The following PTPRJ variants were observed in gnomAD, a reference collection of about 807,000 sequenced individuals.
PTPRJ encodes the protein receptor-type tyrosine-protein phosphatase eta.
PTPRJ carries 129 observed loss-of-function variants against 141.3 expected under a neutral mutation model. The ratio of observed to expected loss-of-function variants is 0.91; its 90% CI spans 0.79 to 1.06. The LOEUF (loss-of-function observed/expected upper bound fraction) is 1.06, where lower values mean the gene tolerates loss of function less well. Ranked by LOEUF, PTPRJ falls within the 50% of genes least tolerant of loss-of-function variation. PTPRJ has a pLI of 0.00. For missense variants in PTPRJ, 1,601 were observed against 1,679.7 expected, an observed-to-expected ratio of 0.95 and a Z score of 0.82; for synonymous variants, 610 against 640.5, an observed-to-expected ratio of 0.95 and a Z score of 0.72.
intron 1 of PTPRJ, among the ~76,000 whole-genome samples, chr11:48,108,784 G>A (rs1856363641): frequency 6.6e-6 from 1 of 152,170 alleles, no homozygotes; most frequent in South Asian, 2.1e-4. Flanking sequence ...CCTGAGGCGC[G>A]AAGGAGTTGA....
chr11:48,124,849 TG>T, intron 5 of PTPRJ, 118 bp from the exon 6 acceptor site: 1 of 898,390 alleles, frequency 1.1e-6, no homozygotes, highest in Non-Finnish European at 1.8e-6. Flanking sequence ...CAGATATTGA[TG>T]GAGCACCAAC....
At chr11:48,107,133 G>A (rs1178892178) in intron 1 of PTPRJ, among the ~76,000 whole-genome samples, 2 of 152,118 alleles carry the variant, frequency 1.3e-5, no homozygotes, top group East Asian at 3.9e-4. Flanking sequence ...CTGCAGGTTT[G>A]GCTGAATTGG....
At chr11:48,007,955 G>A (rs1019411691) in intron 1 of PTPRJ, among the ~76,000 whole-genome samples, 1 of 152,226 alleles carries the variant, frequency 6.6e-6, no homozygotes. Context: ...CAGGTTCCTG[G>A]CTCCAGTTCC....
chr11:48,119,101 T>C (rs543320732), intron 3 of PTPRJ, among the ~76,000 whole-genome samples: 2 of 152,114 alleles, frequency 1.3e-5, no homozygotes, highest in Non-Finnish European at 2.9e-5. Context: ...AGAACATACT[T>C]GTACAGCATC....
At chr11:48,045,259 G>GA (rs905071569) in intron 1 of PTPRJ, among the ~76,000 whole-genome samples, 59 of 152,188 alleles carry the variant, frequency 3.9e-4, no homozygotes, top group African/African-American at 1.3e-3. Context: ...CAGGTTTTGG[G>GA]AACCACCTGG....
intron 1 of PTPRJ, among the ~76,000 whole-genome samples, chr11:48,013,626 G>A (rs1265467938): frequency 6.6e-6 from 1 of 152,184 alleles, no homozygotes; most frequent in Non-Finnish European, 1.5e-5. Flanking sequence ...CTGGGAGTTG[G>A]GGTGGTGGCA....
intron 1 of PTPRJ, among the ~76,000 whole-genome samples, chr11:48,078,278 G>A (rs1855462963): frequency 6.6e-6 from 1 of 152,044 alleles, no homozygotes; most frequent in African/African-American, 2.4e-5. Flanking sequence ...GGCTGGTCTT[G>A]AACTCCTGAC....
chr11:48,017,604 T>G (rs1247656106), intron 1 of PTPRJ, among the ~76,000 whole-genome samples: 1 of 152,190 alleles, frequency 6.6e-6, no homozygotes, highest in African/African-American at 2.4e-5. Context: ...TAGTAGCATC[T>G]GAGGGCTAGC....
At chr11:48,101,516 G>A (rs900081647) in intron 1 of PTPRJ, among the ~76,000 whole-genome samples, 12 of 152,250 alleles carry the variant, frequency 7.9e-5, no homozygotes, top group African/African-American at 2.9e-4. Flanking sequence ...TGGCCAGAGT[G>A]TAGACAGAGA....
At chr11:48,130,783 A>T (rs1333115164) in intron 8 of PTPRJ, 67 bp downstream of exon 8, 5 of 1,410,506 alleles carry the variant, frequency 3.5e-6, no homozygotes, top group Non-Finnish European at 9.4e-7. Flanking sequence ...ATTAATAAAC[A>T]TAATGTTTCC....
chr11:48,165,777 C>T (rs1857902179), intron 24 of PTPRJ, among the ~76,000 whole-genome samples: 1 of 152,136 alleles, frequency 6.6e-6, no homozygotes, highest in South Asian at 2.1e-4. Context: ...GAACTCTTAT[C>T]CCTGCTACTA....
chr11:48,145,558 G>T lies in PTPRJ; in HGVS notation c.2911+434G>T, dbSNP rs867552753. Among the ~76,000 whole-genome samples the T allele has an allele frequency of 8.0e-3, 934 of 117,424 alleles. 8 individuals carry two copies. The highest frequency in any genetic ancestry group is 0.027 in the African/African-American group (852 of 31,054). 77.0% of individuals were successfully genotyped at this position (117,424 alleles called of 152,430 possible). A position where few individuals can be genotyped will look rare whatever the true frequency, so the allele number is the denominator to read the frequency against. On this transcript the variant is annotated intron_variant, in intron 14 of 24. Coordinates refer to ENST00000418331, the MANE Select transcript of PTPRJ (RefSeq NM_002843.4). ...TATTGATTTGTTTATTTTATTTTAT[G>T]TTTTTTTTTTTTTTTTTTCAGACAG... is the stretch of plus-strand genomic sequence containing the variant.
Position 48,139,761 on chromosome 11 carries a change from A to C in PTPRJ, c.2428A>C (p.Thr810Pro). 1.2e-6 allele frequency: 2 copies of C among 1,613,968 alleles called. No individual in the cohort carries two copies. Among genetic ancestry groups the C allele is most frequent in the Non-Finnish European group, 1.7e-6 (2 of 1,180,000 alleles). ...KMAAPTRNTCTTGITDPPPPD... is the reference protein window; with the variant it reads ...KMAAPTRNTCPTGITDPPPPD... ...GGCAGCCCCCACCCGGAACACCTGC[A>C]CTACTGGCATCACAGGTGGGCTACA... is the stretch of plus-strand genomic sequence containing the variant. The change falls in exon 11 of 25, where the codon ACT becomes CCT. Residue 810 changes from threonine (T) to proline (P), a missense_variant. By Grantham distance (38) the Thr-to-Pro change is conservative. Coordinates refer to ENST00000418331, the MANE Select transcript of PTPRJ (RefSeq NM_002843.4).
At chr11:48,053,188 T>A (rs1329455039) in intron 1 of PTPRJ, among the ~76,000 whole-genome samples, 3 of 99,956 alleles carry the variant, frequency 3.0e-5, no homozygotes, top group African/African-American at 4.1e-5. Flanking sequence ...TAAATATATA[T>A]AAAAATATAT....
chr11:48,085,996 C>T (rs1039358410), intron 1 of PTPRJ, among the ~76,000 whole-genome samples: 1 of 152,106 alleles, frequency 6.6e-6, no homozygotes, highest in Non-Finnish European at 1.5e-5. Context: ...TGGGTTGAGT[C>T]TCCTTCATCT....
In PTPRJ at chr11:48,092,205, G is replaced by T. The variant is rs570651455; in HGVS notation, c.97-17853G>T. ...AGCTACTCAGTAGGCTGAGGCAAAA[G>T]AATTGCTTGAACCTGGGAGGCGGGG... On this transcript the variant is annotated intron_variant, in intron 1 of 24. Coordinates refer to ENST00000418331, the MANE Select transcript of PTPRJ (RefSeq NM_002843.4). Among the ~76,000 whole-genome samples, 7 of 133,124 alleles carry T rather than the reference G, an allele frequency of 5.3e-5. No individual in the cohort carries two copies. The East Asian group carries it at 7.5e-4, about 14-fold the overall frequency. 87.3% of individuals were successfully genotyped at this position (133,124 alleles called of 152,430 possible).
rs988111488 is a variant in PTPRJ, at chr11:47,988,026, C to T, written c.96+7018C>T. On this transcript the variant is annotated intron_variant, in intron 1 of 24. Coordinates refer to ENST00000418331, the MANE Select transcript of PTPRJ (RefSeq NM_002843.4). ...TTTCTGAAACTTGGGCGGACAATGT[C>T]GTTATTGTGTTACAAACGATTTGCG... Among the ~76,000 whole-genome samples the T allele has an allele frequency of 5.9e-5, 9 of 152,324 alleles. No individual in the cohort carries two copies. In the East Asian group the frequency reaches 7.7e-4, roughly 13 times the overall value.
chr11:48,025,543 A>T (rs1057308625), intron 1 of PTPRJ, among the ~76,000 whole-genome samples: 1 of 152,230 alleles, frequency 6.6e-6, no homozygotes, highest in Non-Finnish European at 1.5e-5. Context: ...GAATTGCCAC[A>T]GAAATGAACA....
At chr11:48,016,725 C>T (rs563549878) in intron 1 of PTPRJ, among the ~76,000 whole-genome samples, 9 of 152,068 alleles carry the variant, frequency 5.9e-5, no homozygotes, top group Non-Finnish European at 1.3e-4. Flanking sequence ...TGGCATTAAC[C>T]ACATGTGCCT....
Sources: allele counts gnomAD v4.1 joint callset (sites outside exome capture counted in the v4.1 genomes callset), GRCh38; gene constraint gnomAD v4.1.1; transcripts MANE v1.5; gene names NCBI Gene and HGNC (gene_info 2026-07-23, HGNC 2026-07-21).